NF1: variants seen among roughly 807,000 people sequenced by gnomAD.
NF1 encodes neurofibromin.
In NF1, 122 loss-of-function variants were observed where a neutral mutation model predicts 325.7. That is an observed-to-expected ratio of 0.37 (90% CI 0.32 to 0.44). The LOEUF (loss-of-function observed/expected upper bound fraction) is 0.44. Ranked by LOEUF, NF1 falls within the 20% of genes least tolerant of loss-of-function variation. The probability of loss-of-function intolerance (pLI) is 1.00; values close to 1 mark genes in which losing one functional copy is unlikely to be tolerated. For missense variants in NF1, 2,140 were observed against 3,415.4 expected (o/e 0.63, Z 9.31); for synonymous variants, 1,091 against 1,186.0 (o/e 0.92, Z 1.65).
intron 29 of NF1, among the ~76,000 whole-genome samples, chr17:31,243,214 T>TGTGTGTGTGTGTGTGTGTGTG (rs1369781933): frequency 0.014 from 956 of 70,518 alleles, 18 homozygotes; most frequent in African/African-American, 0.054. Context: ...GTGTGTGTGT[T>TGTGTGTGTGTGTGTGTGTGTG]GAGCTGCCTG....
chr17:31,358,228 G>A (rs2070318723), intron 54 of NF1: 1 of 525,736 alleles, frequency 1.9e-6, no homozygotes, highest in Non-Finnish European at 3.4e-6. Flanking sequence ...ATGGTTATAT[G>A]ACACTACCAG....
intron 26 of NF1, 50 bp downstream of exon 26, chr17:31,232,931 G>T (rs2151435037): frequency 6.2e-7 from 1 of 1,613,474 alleles, no homozygotes; most frequent in East Asian, 2.2e-5. Context: ...TAGAGAACTG[G>T]CATGTAAGAG....
intron 36 of NF1, chr17:31,313,977 A>G (rs2068958126): frequency 5.0e-6 from 2 of 398,066 alleles, no homozygotes; most frequent in African/African-American, 2.1e-5. Context: ...AAATTTTCTT[A>G]CCTCAGCTGT....
At chr17:31,325,498 C>A (rs2151536886) in intron 36 of NF1, among the ~76,000 whole-genome samples, 1 of 152,336 alleles carries the variant, frequency 6.6e-6, no homozygotes, top group Admixed American at 6.5e-5. Flanking sequence ...GTCATTCCTA[C>A]CAGACTATTC....
At chr17:31,120,243 A>G (rs1183013231) in intron 1 of NF1, among the ~76,000 whole-genome samples, 2 of 152,308 alleles carry the variant, frequency 1.3e-5, no homozygotes, top group East Asian at 3.9e-4. Context: ...ATTCATGAGC[A>G]TGGAATGTTT....
intron 36 of NF1, among the ~76,000 whole-genome samples, chr17:31,282,699 T>C (rs1318536056): frequency 6.6e-6 from 1 of 152,234 alleles, no homozygotes; most frequent in Non-Finnish European, 1.5e-5. Flanking sequence ...TCCCTTTTTA[T>C]AGCTGAATAA....
rs150588823 is a variant in NF1, at chr17:31,353,831, T to C, written c.7615+1417T>C. On this transcript the variant is annotated intron_variant, in intron 51 of 57. Coordinates refer to ENST00000358273, the MANE Select transcript of NF1 (RefSeq NM_001042492.3). ...GGTATTGGAAAAATGTTTGTGTTCATAAGGAAATTAGTGAACAAACAACAA... is the reference window on the plus strand; with the variant it reads ...GGTATTGGAAAAATGTTTGTGTTCACAAGGAAATTAGTGAACAAACAACAA... Among the ~76,000 whole-genome samples the C allele has an allele frequency of 7.5e-4, 115 of 152,342 alleles. 1 individual carries two copies. Among genetic ancestry groups the C allele is most frequent in the African/African-American group, 2.7e-3 (113 of 41,580 alleles).
rs749107019 is a variant in NF1 at position 31,235,763 on chromosome 17, C to T, written c.3861C>T (p.Phe1287=). The T allele has an allele frequency of 1.9e-6, 3 of 1,614,052 alleles. No individual in the cohort carries two copies. The highest frequency in any genetic ancestry group is 2.5e-6 in the Non-Finnish European group (3 of 1,180,010). ...GNSLASKIMT[F]CFKVYGATYL... ...GCTTGGCCAGTAAAATAATGACATT[C>T]TGTTTCAAGGTTTGTATCATTCATT... Residue 1287 remains phenylalanine (F), a synonymous_variant, in exon 28 of 58, where the codon TTC becomes TTT. Coordinates refer to ENST00000358273, the MANE Select transcript of NF1 (RefSeq NM_001042492.3).
chr17:31,108,528 A>G (rs1913099896), intron 1 of NF1, among the ~76,000 whole-genome samples: 1 of 152,088 alleles, frequency 6.6e-6, no homozygotes, highest in African/African-American at 2.4e-5. Context: ...CACCCGCCTC[A>G]GTCTCCCAAA....
At chr17:31,097,725 C>T (rs1432300115) in intron 1 of NF1, among the ~76,000 whole-genome samples, 2 of 151,656 alleles carry the variant, frequency 1.3e-5, no homozygotes, top group African/African-American at 4.8e-5. Flanking sequence ...GAGACAAGGT[C>T]TTGCTCTGTC....
intron 11 of NF1, among the ~76,000 whole-genome samples, chr17:31,203,509 C>T (rs184188775): frequency 2.0e-5 from 3 of 152,028 alleles, no homozygotes; most frequent in African/African-American, 4.8e-5. Context: ...TGAGGCTAAT[C>T]GCTATTGAAT....
Position 31,259,693 on chromosome 17 carries a change from T to C in NF1, c.4430+564T>C, listed in dbSNP as rs1274504439. Among the ~76,000 whole-genome samples, 19 of 152,318 alleles carry C rather than the reference T, an allele frequency of 1.2e-4. No homozygotes were observed. The Middle Eastern group carries it at 0.01, about 82-fold the overall frequency. On this transcript the variant is annotated intron_variant, in intron 33 of 57. Transcript: ENST00000358273. Reference sequence around the variant, plus strand: ...CTGAGTTATTGGTCTATCTGTAAAGTAGGGATAAACTCTTTGCCTGAGTTG... The same window carrying C: ...CTGAGTTATTGGTCTATCTGTAAAGCAGGGATAAACTCTTTGCCTGAGTTG...
At chr17:31,229,780 G>T (rs1228744425) in intron 21 of NF1, 55 bp from the exon 22 acceptor site, 1 of 1,602,570 alleles carries the variant, frequency 6.2e-7, no homozygotes, top group Non-Finnish European at 8.5e-7. Context: ...CTCTCTAGGG[G>T]GTCTGTCTTC....
chr17:31,177,138 C>A (rs918907187), intron 5 of NF1, among the ~76,000 whole-genome samples: 24 of 152,134 alleles, frequency 1.6e-4, no homozygotes, highest in African/African-American at 5.8e-4. Context: ...TATCGATGAG[C>A]ATGGAATGTT....
intron 1 of NF1, among the ~76,000 whole-genome samples, chr17:31,117,344 T>C (rs913086000): frequency 6.6e-6 from 1 of 152,000 alleles, no homozygotes; most frequent in Admixed American, 6.6e-5. Flanking sequence ...ACAAGCATTT[T>C]TCCTTTTTTC....
intron 50 of NF1, among the ~76,000 whole-genome samples, chr17:31,350,862 G>A (rs907273159): frequency 2.0e-5 from 3 of 151,922 alleles, no homozygotes; most frequent in Non-Finnish European, 2.9e-5. Flanking sequence ...CATCATTGGG[G>A]GATTTTTCTG....
intron 1 of NF1, among the ~76,000 whole-genome samples, chr17:31,153,185 C>A (rs1407694148): frequency 1.3e-5 from 2 of 152,102 alleles, no homozygotes; most frequent in East Asian, 1.9e-4. Context: ...CCAGTCAGAT[C>A]TAATAATTAC....
intron 36 of NF1, chr17:31,305,266 G>A: frequency 6.2e-7 from 1 of 1,614,174 alleles, no homozygotes; most frequent in Non-Finnish European, 8.5e-7. Context: ...CTGGGAGGAG[G>A]TGTTGGCTAT....
intron 8 of NF1, among the ~76,000 whole-genome samples, chr17:31,194,197 T>C (rs1218520517): frequency 6.6e-6 from 1 of 152,162 alleles, no homozygotes; most frequent in Non-Finnish European, 1.5e-5. Flanking sequence ...AATGGAATAG[T>C]ATTCAGCCAT....
Sources: allele counts gnomAD v4.1 joint callset (sites outside exome capture counted in the v4.1 genomes callset), GRCh38; gene constraint gnomAD v4.1.1; transcripts MANE v1.5; gene names NCBI Gene and HGNC (gene_info 2026-07-23, HGNC 2026-07-21).